The following GAS7 variants were observed in gnomAD, a reference collection of about 807,000 sequenced individuals.
GAS7 encodes growth arrest-specific protein 7.
GAS7 carries 28 observed loss-of-function variants against 71.1 expected under a neutral mutation model. That is an observed-to-expected ratio of 0.39 (90% CI 0.29 to 0.54). The LOEUF (loss-of-function observed/expected upper bound fraction) is 0.54, where lower values mean the gene tolerates loss of function less well. Ranked by LOEUF, GAS7 falls within the 20% of genes least tolerant of loss-of-function variation. The probability of loss-of-function intolerance (pLI) is 0.62; values close to 1 mark genes in which losing one functional copy is unlikely to be tolerated. For missense variants in GAS7, 436 were observed against 627.8 expected, an observed-to-expected ratio of 0.69 and a Z score of 3.27; for synonymous variants, 258 against 245.8, an observed-to-expected ratio of 1.05 and a Z score of -0.46.
intron 1 of GAS7, among the ~76,000 whole-genome samples, chr17:10,042,357 AC>A (rs1407879943): frequency 2.6e-5 from 4 of 151,760 alleles, no homozygotes; most frequent in Non-Finnish European, 2.9e-5. Context: ...GTGATGACTC[AC>A]TTTTGTAACT....
At chr17:10,133,760 T>C (rs971005975) in intron 1 of GAS7, among the ~76,000 whole-genome samples, 4 of 150,758 alleles carry the variant, frequency 2.7e-5, no homozygotes, top group South Asian at 2.1e-4. Context: ...GAGTTCAACT[T>C]TTTTAGAGTC....
chr17:10,194,852 C>G (rs1051247739), intron 1 of GAS7, among the ~76,000 whole-genome samples: 5 of 118,452 alleles, frequency 4.2e-5, no homozygotes, highest in African/African-American at 1.7e-4. Context: ...GTGCGAGACT[C>G]TGTCTCAAAA....
intron 1 of GAS7, among the ~76,000 whole-genome samples, chr17:10,099,852 C>T (rs935637490): frequency 6.6e-6 from 1 of 152,164 alleles, no homozygotes; most frequent in African/African-American, 2.4e-5. Context: ...TACCTTTCTT[C>T]CAAATTCACT....
chr17:10,086,492 G>C (rs73974416), intron 1 of GAS7, among the ~76,000 whole-genome samples: 3,352 of 152,280 alleles, frequency 0.022, 120 homozygotes, highest in African/African-American at 0.073. Flanking sequence ...AAGGAATCTG[G>C]GTTTGTTCTG....
At position 9,995,224 on chromosome 17, in the gene GAS7, A is replaced by T. The variant is rs546440186; in HGVS notation, c.305-13340T>A. 9.7e-4 allele frequency among the ~76,000 whole-genome samples: 147 copies of T among 152,308 alleles called. 1 individual carries two copies. Among genetic ancestry groups the T allele is most frequent in the Middle Eastern group, 6.8e-3 (2 of 294 alleles). ...TGAGGGTTGTGACTGTATTGAATAA[A>T]TGTGGACCTGTCTCCTGGGCACCAA... On this transcript the variant is annotated intron_variant, in intron 2 of 13. Transcript: ENST00000432992.
At chr17:10,168,556 A>G (rs1284729557) in intron 1 of GAS7, among the ~76,000 whole-genome samples, 1 of 152,244 alleles carries the variant, frequency 6.6e-6, no homozygotes, top group Non-Finnish European at 1.5e-5. Context: ...CTGGAGAGCC[A>G]CAAACCGCTG....
At chr17:9,954,784 G>T (rs1478653020) in intron 5 of GAS7, among the ~76,000 whole-genome samples, 2 of 152,182 alleles carry the variant, frequency 1.3e-5, no homozygotes, top group African/African-American at 4.8e-5. Flanking sequence ...CAACCCAAAA[G>T]ATCAATGGTG....
chr17:10,134,905 TCA>T (rs1370507684), intron 1 of GAS7, among the ~76,000 whole-genome samples: 3 of 151,536 alleles, frequency 2.0e-5, no homozygotes, highest in Non-Finnish European at 4.4e-5. Flanking sequence ...CAATCTCGGC[TCA>T]CTGTCACCTC....
At chr17:10,055,797 C>T (rs571725088) in intron 1 of GAS7, among the ~76,000 whole-genome samples, 1 of 152,200 alleles carries the variant, frequency 6.6e-6, no homozygotes, top group South Asian at 2.1e-4. Flanking sequence ...GATATTTTTC[C>T]GCTCTGGTTT....
intron 1 of GAS7, among the ~76,000 whole-genome samples, chr17:10,024,207 C>A (rs897796492): frequency 1.3e-5 from 2 of 152,202 alleles, no homozygotes; most frequent in African/African-American, 2.4e-5. Flanking sequence ...ACCTTCAAGT[C>A]TTCACTTAAG....
intron 2 of GAS7, among the ~76,000 whole-genome samples, chr17:9,982,258 C>T (rs2070439061): frequency 6.6e-6 from 1 of 152,174 alleles, no homozygotes; most frequent in South Asian, 2.1e-4. Context: ...TCTCCTGGAA[C>T]CCTGAAGTTG....
Position 9,934,207 on chromosome 17 carries a change from G to C in GAS7, c.844C>G (p.Leu282Val). Reference protein sequence around the residue: ...GEAWAQVKKSLADEAEVHLKF... With the variant: ...GEAWAQVKKSVADEAEVHLKF... ...AGGTGAACTTCTGCTTCGTCCGCCAGGCTCTTCTTCACCTGGGCCCACGCC... is the reference window on the plus strand; with the variant it reads ...AGGTGAACTTCTGCTTCGTCCGCCACGCTCTTCTTCACCTGGGCCCACGCC... Residue 282 changes from leucine to valine, a missense_variant, in exon 9 of 14, where the codon CTG (leucine) becomes GTG (valine). Physicochemically the swap from Leu to Val is conservative, Grantham distance 32 (BLOSUM62 1). Transcript: ENST00000432992. 1 of 1,613,232 alleles carries C rather than the reference G, an allele frequency of 6.2e-7. No individual in the cohort carries two copies. The highest frequency in any genetic ancestry group is 8.5e-7 in the Non-Finnish European group (1 of 1,179,336).
chr17:9,963,407 G>T (rs1199945018), intron 4 of GAS7, among the ~76,000 whole-genome samples: 3 of 152,120 alleles, frequency 2.0e-5, no homozygotes, highest in African/African-American at 7.2e-5. Context: ...ACACTGAATT[G>T]TATACACTTT....
intron 1 of GAS7, among the ~76,000 whole-genome samples, chr17:10,079,688 T>G (rs986695538): frequency 7.2e-5 from 11 of 152,196 alleles, no homozygotes; most frequent in African/African-American, 2.4e-4. Context: ...CATATCTCCC[T>G]AAAATGTATA....
intron 2 of GAS7, among the ~76,000 whole-genome samples, chr17:10,005,285 A>G (rs1409553834): frequency 6.6e-6 from 1 of 151,264 alleles, no homozygotes; most frequent in Non-Finnish European, 1.5e-5. Context: ...ATGTATATAC[A>G]TGCATACATG....
intron 1 of GAS7, among the ~76,000 whole-genome samples, chr17:10,197,576 C>G (rs527720572): frequency 1.2e-4 from 18 of 152,222 alleles, no homozygotes; most frequent in Non-Finnish European, 2.6e-4. Context: ...AAGCCACTTT[C>G]GGGTTCTGAG....
chr17:10,115,215 C>T (rs1055086794), intron 1 of GAS7, among the ~76,000 whole-genome samples: 2 of 152,218 alleles, frequency 1.3e-5, no homozygotes, highest in Admixed American at 6.5e-5. Flanking sequence ...CTTCTCTGAG[C>T]GAGAGCCTGG....
At chr17:10,056,871 A>T (rs904203270) in intron 1 of GAS7, among the ~76,000 whole-genome samples, 3 of 150,986 alleles carry the variant, frequency 2.0e-5, no homozygotes, top group African/African-American at 2.4e-5. Context: ...CGCCATCTCG[A>T]CTCACTGCAA....
intron 1 of GAS7, among the ~76,000 whole-genome samples, chr17:10,076,256 G>A (rs1417198388): frequency 1.8e-4 from 13 of 74,162 alleles, no homozygotes; most frequent in African/African-American, 1.1e-4. Flanking sequence ...ACAGGGGGAC[G>A]GGGAAGGGGA....
Sources: gnomAD v4.1 joint callset for allele counts (sites outside exome capture counted in the v4.1 genomes callset) on GRCh38, gnomAD v4.1.1 for gene constraint, MANE v1.5 for transcripts, NCBI Gene and HGNC (gene_info 2026-07-23, HGNC 2026-07-21) for gene names.